The following ATF7IP variants were observed in gnomAD, a reference collection of about 807,000 sequenced individuals.
ATF7IP encodes the protein activating transcription factor 7-interacting protein 1.
ATF7IP carries 23 observed loss-of-function variants against 106.4 expected under a neutral mutation model. The ratio of observed to expected loss-of-function variants is 0.22; its 90% CI spans 0.16 to 0.31. The LOEUF (loss-of-function observed/expected upper bound fraction) is 0.31, where lower values mean the gene tolerates loss of function less well. Ranked by LOEUF, ATF7IP falls within the 10% of genes least tolerant of loss-of-function variation. The probability of loss-of-function intolerance (pLI) is 1.00; values close to 1 mark genes in which losing one functional copy is unlikely to be tolerated. For synonymous variants in ATF7IP, 542 were observed against 539.0 expected (o/e 1.01, Z -0.08); for missense variants, 1,334 against 1,524.3 (o/e 0.88, Z 2.08).
At chr12:14,493,841 A>G (rs1005080458) in intron 13 of ATF7IP, among the ~76,000 whole-genome samples, 4 of 152,120 alleles carry the variant, frequency 2.6e-5, no homozygotes, top group African/African-American at 9.7e-5. Flanking sequence ...CATTCAGGGC[A>G]ATCTTAGCAG....
chr12:14,481,581 A>C, intron 13 of ATF7IP: 1 of 427,568 alleles, frequency 2.3e-6, no homozygotes, highest in South Asian at 1.7e-5. Flanking sequence ...AACCAAAACT[A>C]ATCTATTATT....
intron 1 of ATF7IP, chr12:14,385,528 A>C (rs2136419684): frequency 1.3e-6 from 1 of 778,274 alleles, no homozygotes; most frequent in East Asian, 2.7e-5. Flanking sequence ...TGTTTGGTAG[A>C]ACCTTTAAGC....
At chr12:14,398,787 TA>T (rs748161633) in intron 1 of ATF7IP, among the ~76,000 whole-genome samples, 12 of 152,028 alleles carry the variant, frequency 7.9e-5, no homozygotes, top group Non-Finnish European at 1.6e-4. Context: ...AATTCTTTTT[TA>T]TATGTCATAT....
At chr12:14,490,052 C>G (rs1412248680) in intron 13 of ATF7IP, among the ~76,000 whole-genome samples, 5 of 152,200 alleles carry the variant, frequency 3.3e-5, no homozygotes, top group African/African-American at 1.2e-4. Flanking sequence ...TTGGTCTCTT[C>G]TGCTGGCAAA....
chr12:14,442,114 T>C (rs1194757677), intron 5 of ATF7IP, among the ~76,000 whole-genome samples: 1 of 152,220 alleles, frequency 6.6e-6, no homozygotes, highest in Non-Finnish European at 1.5e-5. Flanking sequence ...CTGCCTTGTT[T>C]TGCAATTGAT....
chr12:14,450,273 C>T (rs1943149662), intron 6 of ATF7IP, among the ~76,000 whole-genome samples: 1 of 152,192 alleles, frequency 6.6e-6, no homozygotes, highest in African/African-American at 2.4e-5. Context: ...TTCGGTTTTT[C>T]ACCATTGAGT....
intron 1 of ATF7IP, among the ~76,000 whole-genome samples, chr12:14,392,449 A>G (rs565205289): frequency 6.6e-6 from 1 of 152,360 alleles, no homozygotes; most frequent in South Asian, 2.1e-4. Context: ...TACTTGTGCA[A>G]AGGCAGCATG....
chr12:14,403,914 G>A (rs1940402177), intron 1 of ATF7IP, among the ~76,000 whole-genome samples: 1 of 152,134 alleles, frequency 6.6e-6, no homozygotes, highest in African/African-American at 2.4e-5. Context: ...AAGTCTTGTG[G>A]CTATAACTGA....
chr12:14,385,327 T>A, intron 1 of ATF7IP: 2 of 1,489,056 alleles, frequency 1.3e-6, no homozygotes, highest in Non-Finnish European at 1.8e-6. Context: ...AAATGGCTGC[T>A]AACCTAGTCT....
chr12:14,447,591 T>C (rs111924711), intron 6 of ATF7IP, among the ~76,000 whole-genome samples: 1,927 of 152,308 alleles, frequency 0.013, 52 homozygotes, highest in African/African-American at 0.044. Context: ...CCTTAGGTTA[T>C]GCAATTCTTG....
chr12:14,448,466 C>T lies in ATF7IP; in HGVS notation c.1995+1413C>T, dbSNP rs141572709. ...ATGTATAGATTTATGTAGCCCCCATCACAGTCAAGATATAAAATTGTTACA... is the reference window on the plus strand; with the variant it reads ...ATGTATAGATTTATGTAGCCCCCATTACAGTCAAGATATAAAATTGTTACA... On this transcript the variant is annotated intron_variant, in intron 6 of 14. Transcript: ENST00000261168. Among the ~76,000 whole-genome samples the T allele has an allele frequency of 1.3e-3, 205 of 152,304 alleles. 1 individual carries two copies. Among genetic ancestry groups the T allele is most frequent in the African/African-American group, 3.8e-3 (159 of 41,566 alleles).
chr12:14,391,590 TCAAA>T (rs1043741660), intron 1 of ATF7IP, among the ~76,000 whole-genome samples: 3 of 152,202 alleles, frequency 2.0e-5, no homozygotes, highest in African/African-American at 4.8e-5. Flanking sequence ...CAACTTTGAG[TCAAA>T]CAGAGTCAGG....
At chr12:14,464,678 T>C (rs1340000439) in intron 9 of ATF7IP, among the ~76,000 whole-genome samples, 1 of 152,138 alleles carries the variant, frequency 6.6e-6, no homozygotes, top group African/African-American at 2.4e-5. Flanking sequence ...GCAATGGAAC[T>C]ATAAGATGTT....
At chr12:14,372,767 C>A (rs2136395499) in intron 1 of ATF7IP, among the ~76,000 whole-genome samples, 2 of 152,166 alleles carry the variant, frequency 1.3e-5, no homozygotes, top group Middle Eastern at 3.4e-3. Context: ...ATCCGTTCTC[C>A]CTTTCTTTGT....
intron 12 of ATF7IP, 117 bp downstream of exon 12, chr12:14,478,589 C>G: frequency 8.3e-7 from 1 of 1,202,334 alleles, no homozygotes; most frequent in Non-Finnish European, 1.2e-6. Flanking sequence ...AATTTGAGGA[C>G]TACAGTGCAT....
At chr12:14,406,592 TA>T (rs536916065) in intron 1 of ATF7IP, among the ~76,000 whole-genome samples, 3,384 of 141,480 alleles carry the variant, frequency 0.024, 109 homozygotes, top group African/African-American at 0.074. Context: ...ATGTAACATT[TA>T]AAAAAAAAAA....
chr12:14,427,874 G>A (rs1591838685), intron 2 of ATF7IP, among the ~76,000 whole-genome samples: 1 of 152,242 alleles, frequency 6.6e-6, no homozygotes, highest in African/African-American at 2.4e-5. Flanking sequence ...CTGGCACACA[G>A]TAAGTGCCCA....
rs1412928561 is a variant in ATF7IP, at chr12:14,424,575, T to G, written c.660T>G (p.Ile220Met). The stretch of plus-strand genomic sequence containing the variant: ...GTGAACCGGTCCCTGTTGAACCCAT[T>G]TCTGGTGATTGTGCCGCTGATGATA... The part of the protein sequence containing the change: ...IPGEPVPVEP[I>M]SGDCAADDIA... Residue 220 changes from isoleucine to methionine, a missense_variant, in exon 2 of 15, where the codon ATT (isoleucine) becomes ATG (methionine). This residue lies in a region of ATF7IP where 438 missense variants were observed against 405.3 expected (regional missense o/e 1.08). Transcript: ENST00000261168. 6.2e-7 allele frequency: 1 copy of G among 1,614,016 alleles called. No homozygotes were observed. Among genetic ancestry groups the G allele is most frequent in the African/African-American group, 1.3e-5 (1 of 74,898 alleles).
At position 14,432,257 on chromosome 12, in the gene ATF7IP, C is replaced by G. The variant is rs148033628; in HGVS notation, c.1559-2080C>G. Among the ~76,000 whole-genome samples, 12 of 152,292 alleles carry G rather than the reference C, an allele frequency of 7.9e-5. No individual in the cohort carries two copies. In the East Asian group the frequency reaches 2.1e-3, roughly 27 times the overall value. ...TTTGCTAAATAAAGACTATGTAAAC[C>G]TTTCATCTCAAGCATCCCAGTTACT... On this transcript the variant is annotated intron_variant, in intron 2 of 14. Transcript: ENST00000261168.
Sources: gnomAD v4.1 joint callset for allele counts (sites outside exome capture counted in the v4.1 genomes callset) on GRCh38, gnomAD v4.1.1 for gene constraint, gnomAD v4.1.1 regional missense constraint, MANE v1.5 for transcripts, NCBI Gene and HGNC (gene_info 2026-07-23, HGNC 2026-07-21) for gene names.